C3orf49: variants seen among roughly 807,000 people sequenced by gnomAD.
The protein encoded by C3orf49 is chromosome 3 open reading frame 49, also known as putative uncharacterized protein C3orf49.
In C3orf49, 27 loss-of-function variants were observed where a neutral mutation model predicts 13.3. The observed-to-expected ratio is 2.02, with a 90% CI of 1.49 to 2.79. The LOEUF is 2.79. C3orf49 is among the 30% of genes most tolerant of loss of function. C3orf49 has a pLI of 0.00. For synonymous variants in C3orf49, 87 were observed against 47.6 expected, an observed-to-expected ratio of 1.83 and a Z score of -3.40; for missense variants, 242 against 134.2, an observed-to-expected ratio of 1.80 and a Z score of -3.97.
chr3:63,824,803 C>A (rs1295362083), intron 2 of C3orf49, among the ~76,000 whole-genome samples: 2 of 144,660 alleles, frequency 1.4e-5, no homozygotes, highest in Non-Finnish European at 3.0e-5. Context: ...TGCCACTGCA[C>A]TCCAGCCTGG....
intron 5 of C3orf49, among the ~76,000 whole-genome samples, chr3:63,839,314 TAA>T (rs1342314934): frequency 1.3e-5 from 2 of 152,336 alleles, no homozygotes; most frequent in East Asian, 3.9e-4. Flanking sequence ...TGCACCAACT[TAA>T]TATATACATA....
At chr3:63,818,067 A>G (rs1251056380), upstream of C3orf49, among the ~76,000 whole-genome samples, 2 of 152,212 alleles carry the variant, frequency 1.3e-5, no homozygotes, top group African/African-American at 2.4e-5. Flanking sequence ...TGGCCAAGGC[A>G]TATTAGATAT....
chr3:63,832,949 CAA>C (rs1207091240), intron 5 of C3orf49: 1 of 152,030 alleles, frequency 6.6e-6, no homozygotes, highest in East Asian at 1.9e-4. Flanking sequence ...ATGATTCATG[CAA>C]AGTGTCATGT....
chr3:63,793,566 C>T, the C3orf49 span, among the ~76,000 whole-genome samples: 1 of 151,816 alleles, frequency 6.6e-6, no homozygotes, highest in Non-Finnish European at 1.5e-5. Context: ...CTCTCTGCTG[C>T]TGGCCTCATT....
chr3:63,833,072 T>C (rs921995702), intron 5 of C3orf49, among the ~76,000 whole-genome samples: 1 of 152,070 alleles, frequency 6.6e-6, no homozygotes. Flanking sequence ...TTTAAAAAGA[T>C]TATAAATTCT....
chr3:63,801,251 C>T, the C3orf49 span, among the ~76,000 whole-genome samples: 1 of 152,018 alleles, frequency 6.6e-6, no homozygotes, highest in African/African-American at 2.4e-5. Flanking sequence ...ACTCCAATAT[C>T]TGAGCCTCAA....
In C3orf49 at chr3:63,819,436, A is replaced by G. The variant is rs1422354063; in HGVS notation, c.-36A>G. 1 of 700,026 alleles carries G rather than the reference A, an allele frequency of 1.4e-6. No individual in the cohort carries two copies. Among genetic ancestry groups the G allele is most frequent in the South Asian group, 1.5e-5 (1 of 67,234 alleles). 43.4% of individuals were successfully genotyped at this position (700,026 alleles called of 1,614,324 possible). Reference sequence around the variant, plus strand: ...AGTCTGTAAGTTCAAGAACTAAAACAATCCAAAACGGCTACTACAGGTGAA... The same window carrying G: ...AGTCTGTAAGTTCAAGAACTAAAACGATCCAAAACGGCTACTACAGGTGAA... On this transcript the variant is annotated 5_prime_UTR_variant, in exon 1 of 7. Transcript: ENST00000295896.
the C3orf49 span, chr3:63,780,026 C>T: frequency 1.3e-5 from 2 of 152,092 alleles, no homozygotes; most frequent in Non-Finnish European, 2.9e-5. Context: ...TTTTAGGGTA[C>T]ATGTGCACAA....
intron 2 of C3orf49, 67 bp from the exon 3 acceptor site, chr3:63,827,534 T>C (rs1701479113): frequency 1.5e-6 from 1 of 648,514 alleles, no homozygotes; most frequent in Admixed American, 2.5e-5. Flanking sequence ...GAATACTGTA[T>C]TTTTAACAGG....
At chr3:63,794,050 GA>G in the C3orf49 span, among the ~76,000 whole-genome samples, 1 of 152,068 alleles carries the variant, frequency 6.6e-6, no homozygotes, top group Admixed American at 6.6e-5. Context: ...TGCTACTTAG[GA>G]AGCTGAGATG....
intron 5 of C3orf49, among the ~76,000 whole-genome samples, chr3:63,840,947 G>A (rs1034172688): frequency 1.3e-5 from 2 of 152,156 alleles, no homozygotes; most frequent in African/African-American, 4.8e-5. Context: ...TTGTCCTATA[G>A]AAGTGCACTC....
intron 5 of C3orf49, among the ~76,000 whole-genome samples, chr3:63,837,408 T>C (rs1701658135): frequency 6.6e-6 from 1 of 152,026 alleles, no homozygotes; most frequent in South Asian, 2.1e-4. Flanking sequence ...AAAATTATCT[T>C]GAAATAGTAT....
chr3:63,812,044 C>T, the C3orf49 span, among the ~76,000 whole-genome samples: 136 of 152,036 alleles, frequency 8.9e-4, no homozygotes, highest in Admixed American at 1.4e-3. Context: ...GAACTTGTTC[C>T]CACCCAACTG....
chr3:63,819,338 A>T lies in C3orf49; in HGVS notation c.-134A>T, dbSNP rs969375569. 3 of 592,876 alleles carry T rather than the reference A, an allele frequency of 5.1e-6. No individual in the cohort carries two copies. Among genetic ancestry groups the T allele is most frequent in the Non-Finnish European group, 9.0e-6 (3 of 332,490 alleles). The allele number at this position is 592,876 out of a possible 1,614,324, so 36.7% of individuals were successfully genotyped here. A position where few individuals can be genotyped will look rare whatever the true frequency, so the allele number is the denominator to read the frequency against. On this transcript the variant is annotated 5_prime_UTR_variant, in exon 1 of 7. Coordinates refer to ENST00000295896, the MANE Select transcript of C3orf49 (RefSeq NM_001355236.2). ...AGGGAATAAGGGAAAGACTCTAAAA[A>T]TTTCCTACATATTTTATTCCGAATA...
At chr3:63,845,175 CTT>C in intron 6 of C3orf49, 93 bp downstream of exon 6, 1 of 524,212 alleles carries the variant, frequency 1.9e-6, no homozygotes, top group Non-Finnish European at 3.4e-6. Flanking sequence ...GCTCTGCTCT[CTT>C]TAAGTATTTA....
intron 1 of C3orf49, among the ~76,000 whole-genome samples, chr3:63,820,847 C>T (rs970078869): frequency 2.6e-5 from 4 of 151,956 alleles, no homozygotes; most frequent in African/African-American, 7.3e-5. Context: ...TGAATAGCAC[C>T]CCCTAGAAGT....
upstream of C3orf49, among the ~76,000 whole-genome samples, chr3:63,815,774 T>C (rs559182252): frequency 6.7e-5 from 10 of 148,414 alleles, 1 homozygote; most frequent in South Asian, 1.9e-3. Flanking sequence ...TTTCTTTCTT[T>C]TTTTTTTTTT....
chr3:63,834,281 C>T (rs1372282301), intron 5 of C3orf49: 2 of 1,329,464 alleles, frequency 1.5e-6, no homozygotes, highest in South Asian at 1.2e-5. Context: ...ACATGTTTAT[C>T]CTTTATTAGC....
At chr3:63,841,494 G>A (rs1440374242) in intron 5 of C3orf49, among the ~76,000 whole-genome samples, 1 of 152,220 alleles carries the variant, frequency 6.6e-6, no homozygotes, top group Non-Finnish European at 1.5e-5. Context: ...TAGTTCCTGT[G>A]TGTAGGCAGA....
Sources: gnomAD v4.1 joint callset for allele counts (sites outside exome capture counted in the v4.1 genomes callset) on GRCh38, gnomAD v4.1.1 for gene constraint, MANE v1.5 for transcripts, NCBI Gene and HGNC (gene_info 2026-07-23, HGNC 2026-07-21) for gene names.